The following ACSS1 variants were observed in gnomAD, a reference collection of about 807,000 sequenced individuals.
The protein encoded by ACSS1 is acyl-CoA synthetase short chain family member 1.
ACSS1 carries 42 observed loss-of-function variants against 75.3 expected under a neutral mutation model. The observed-to-expected ratio is 0.56, with a 90% CI of 0.44 to 0.72. ACSS1 has a LOEUF of 0.72. Ranked by LOEUF, ACSS1 falls within the 30% of genes least tolerant of loss-of-function variation. ACSS1 has a pLI of 0.00. For missense variants in ACSS1, 782 were observed against 935.7 expected, an observed-to-expected ratio of 0.84 and a Z score of 2.14; for synonymous variants, 380 against 376.8, an observed-to-expected ratio of 1.01 and a Z score of -0.10.
In ACSS1 at chr20:25,013,945, G is replaced by A. The variant is rs538728681; in HGVS notation, c.1452+16C>T. ...GGCAAGCACATGACCCCCATGTGGG[G>A]GAGGCCCATACACACCTTCTCATCC... On this transcript the variant is annotated intron_variant, in intron 9 of 13. Transcript: ENST00000323482. 1.7e-4 allele frequency: 279 copies of A among 1,607,722 alleles called. 3 individuals are homozygous for A. The South Asian group carries it at 2.9e-3, about 16-fold the overall frequency.
chr20:25,054,883 A>C (rs2089222160), intron 1 of ACSS1, among the ~76,000 whole-genome samples: 1 of 152,242 alleles, frequency 6.6e-6, no homozygotes. Context: ...CCTTCTAAGA[A>C]ACAAGGAGAG....
At chr20:25,023,418 T>C in intron 4 of ACSS1, 48 bp downstream of exon 4, 1 of 1,610,090 alleles carries the variant, frequency 6.2e-7, no homozygotes, top group Non-Finnish European at 8.5e-7. Context: ...CAGAGCCAGC[T>C]AACTTGATAT....
intron 1 of ACSS1, among the ~76,000 whole-genome samples, chr20:25,055,708 T>C (rs983342095): frequency 5.3e-5 from 8 of 152,362 alleles, no homozygotes; most frequent in African/African-American, 1.9e-4. Flanking sequence ...AGACCATGCG[T>C]TGAGAACCAC....
chr20:25,034,541 A>C (rs1410703098), intron 2 of ACSS1, among the ~76,000 whole-genome samples: 2 of 151,072 alleles, frequency 1.3e-5, no homozygotes, highest in African/African-American at 2.4e-5. Flanking sequence ...GAATGTGGGT[A>C]CCCAGACCCT....
chr20:25,036,637 G>C (rs1335684758), intron 2 of ACSS1, among the ~76,000 whole-genome samples: 1 of 152,162 alleles, frequency 6.6e-6, no homozygotes. Context: ...AGTAAGTCCT[G>C]TGTGTGCTCT....
chr20:25,047,961 G>C (rs773317938), intron 2 of ACSS1, 124 bp downstream of exon 2: 26 of 706,306 alleles, frequency 3.7e-5, no homozygotes, highest in Non-Finnish European at 5.8e-5. Flanking sequence ...CTGGATAAGA[G>C]AGCACTTGCA....
intron 4 of ACSS1, 27 bp from the exon 5 acceptor site, chr20:25,023,119 C>A (rs753568699): frequency 3.7e-6 from 6 of 1,600,214 alleles, no homozygotes; most frequent in Non-Finnish European, 5.1e-6. Flanking sequence ...ACAAACAGCC[C>A]ACCGAGGGCA....
chr20:25,013,848 C>A, intron 9 of ACSS1, 113 bp downstream of exon 9: 1 of 1,350,294 alleles, frequency 7.4e-7, no homozygotes, highest in South Asian at 1.3e-5. Context: ...GCTGCAAGGT[C>A]AGCAGCCTCC....
intron 2 of ACSS1, among the ~76,000 whole-genome samples, chr20:25,044,685 C>T (rs1400711675): frequency 6.6e-6 from 1 of 152,238 alleles, no homozygotes; most frequent in Non-Finnish European, 1.5e-5. Context: ...CCAGAAAGAG[C>T]CACTGCCGTC....
intron 2 of ACSS1, among the ~76,000 whole-genome samples, chr20:25,041,086 G>A (rs1308446232): frequency 6.6e-5 from 10 of 152,072 alleles, no homozygotes; most frequent in South Asian, 2.1e-4. Context: ...GTGAAACCCC[G>A]TCTCTATTAA....
chr20:25,022,909 A>T, intron 5 of ACSS1, 31 bp downstream of exon 5: 1 of 1,568,844 alleles, frequency 6.4e-7, no homozygotes, highest in African/African-American at 1.4e-5. Flanking sequence ...ATCCCTGCCA[A>T]GGGCCCAGCA....
intron 2 of ACSS1, among the ~76,000 whole-genome samples, chr20:25,036,616 G>A (rs975546915): frequency 2.6e-5 from 4 of 152,170 alleles, no homozygotes; most frequent in African/African-American, 9.7e-5. Flanking sequence ...TCCTGATGAA[G>A]GCCCAGGATA....
intron 11 of ACSS1, 66 bp from the exon 12 acceptor site, chr20:25,012,730 A>G (rs1001413962): frequency 6.2e-7 from 1 of 1,613,236 alleles, no homozygotes; most frequent in African/African-American, 1.3e-5. Flanking sequence ...GACTCGGGCC[A>G]GGGACTCCCA....
At chr20:25,044,537 C>T (rs895003001) in intron 2 of ACSS1, among the ~76,000 whole-genome samples, 5 of 152,114 alleles carry the variant, frequency 3.3e-5, no homozygotes, top group Admixed American at 6.5e-5. Flanking sequence ...CACTTGAGCC[C>T]GGGAGGTCAA....
chr20:25,023,112 A>T lies in ACSS1; in HGVS notation c.808-20T>A. ...CATTTCCTGGCAGGGAGAAGAAACAAACAGCCCACCGAGGGCACTCAGCCT... is the reference window on the plus strand; with the variant it reads ...CATTTCCTGGCAGGGAGAAGAAACATACAGCCCACCGAGGGCACTCAGCCT... On this transcript the variant is annotated intron_variant, in intron 4 of 13. Transcript: ENST00000323482. 6.2e-7 allele frequency: 1 copy of T among 1,605,002 alleles called. No homozygotes were observed. Among genetic ancestry groups the T allele is most frequent in the Non-Finnish European group, 8.5e-7 (1 of 1,175,618 alleles).
chr20:25,023,491 C>G lies in ACSS1; in HGVS notation c.782G>C (p.Gly261Ala), dbSNP rs2088662813. The change falls in exon 4 of 14, where the codon GGG becomes GCG. Residue 261 changes from glycine to alanine, a missense_variant. Around this residue, in one of 2 missense-constraint regions of ACSS1, gnomAD observed 377 missense variants for 383.1 expected, o/e 0.98. Coordinates refer to ENST00000323482, the MANE Select transcript of ACSS1 (RefSeq NM_032501.4). ...AHRTDNKVHM[G>A]DLDVPLEQEM... ...CTGCTCCAGCGGGACGTCCAGATCC[C>G]CCATGTGGACCTTGTTGTCTGTCCT... 1 of 1,614,118 alleles carries G rather than the reference C, an allele frequency of 6.2e-7. No homozygotes were observed.
In ACSS1 at chr20:25,031,176, T is replaced by C. The variant is rs901230344; in HGVS notation, c.432-218A>G. On this transcript the variant is annotated intron_variant, in intron 2 of 13. Coordinates refer to ENST00000323482, the MANE Select transcript of ACSS1 (RefSeq NM_032501.4). ...CTATTGGCAGAGATTCACTGCCACATTGCTAGGGTGACAAGGCTATCCTTA... is the reference window on the plus strand; with the variant it reads ...CTATTGGCAGAGATTCACTGCCACACTGCTAGGGTGACAAGGCTATCCTTA... 7 of 651,772 alleles carry C rather than the reference T, an allele frequency of 1.1e-5. No homozygotes were observed. The African/African-American group carries it at 1.3e-4, about 12-fold the overall frequency. 40.4% of individuals were successfully genotyped at this position (651,772 alleles called of 1,614,324 possible).
intron 2 of ACSS1, 55 bp from the exon 3 acceptor site, chr20:25,031,013 G>A: frequency 1.9e-6 from 3 of 1,578,286 alleles, no homozygotes; most frequent in South Asian, 2.3e-5. Flanking sequence ...AAAATGCAGA[G>A]CAGTTTGGGG....
At position 25,028,412 on chromosome 20, in the gene ACSS1, G is replaced by T. The variant is rs2088765727; in HGVS notation, c.631+2347C>A. 2.0e-5 allele frequency among the ~76,000 whole-genome samples: 3 copies of T among 152,156 alleles called. No homozygotes were observed. The South Asian group carries it at 6.2e-4, about 32-fold the overall frequency. The stretch of plus-strand genomic sequence containing the variant: ...TACTGAGATAATAATAGATACATAG[G>T]TAATCATATGGATAAATGGAATAGG... On this transcript the variant is annotated intron_variant, in intron 3 of 13. Coordinates refer to ENST00000323482, the MANE Select transcript of ACSS1 (RefSeq NM_032501.4).
Sources: allele counts gnomAD v4.1 joint callset (sites outside exome capture counted in the v4.1 genomes callset), GRCh38; gene constraint gnomAD v4.1.1; regional missense constraint gnomAD v4.1.1; transcripts MANE v1.5; gene names NCBI Gene and HGNC (gene_info 2026-07-23, HGNC 2026-07-21).